Variants in RAB11A observed in about 807,000 individuals in gnomAD.
RAB11A encodes the protein RAB11A, member RAS oncogene family, also known as ras-related protein Rab-11A.
Under a neutral mutation model 28.0 loss-of-function variants are expected in RAB11A, and 9 were observed. The ratio of observed to expected loss-of-function variants is 0.32; its 90% CI spans 0.19 to 0.56. The LOEUF is 0.56. Among genes scored for constraint, RAB11A ranks in the 20% least tolerant of loss-of-function variants. The pLI is 0.91. For missense variants in RAB11A, 108 were observed against 269.6 expected (o/e 0.40, Z 4.20); for synonymous variants, 85 against 88.2 (o/e 0.96, Z 0.20).
rs12438510 is a variant in RAB11A, at chr15:65,877,726, G to A, written c.237-36G>A. 9,350 of 1,500,896 alleles carry A rather than the reference G, an allele frequency of 6.2e-3. 957 individuals carry two copies. In the Admixed American group the frequency reaches 0.17, roughly 28 times the overall value. The allele number at this position is 1,500,896 out of a possible 1,614,324, so 93.0% of individuals were successfully genotyped here. The stretch of plus-strand genomic sequence containing the variant: ...TCTTCCTGGTGTTTGCTTCCATCTT[G>A]TGGTTTTCTGATACTAAATATGTTT... On this transcript the variant is annotated intron_variant, in intron 2 of 4. Coordinates refer to ENST00000261890, the MANE Select transcript of RAB11A (RefSeq NM_004663.5). The surrounding 1 kb of genome is among the most constrained non-coding windows in gnomAD (Gnocchi z 4.1).
chr15:65,876,428 T>G (rs955973561), intron 1 of RAB11A, among the ~76,000 whole-genome samples: 3 of 152,026 alleles, frequency 2.0e-5, no homozygotes, highest in Non-Finnish European at 4.4e-5. Flanking sequence ...CCACAAGTAG[T>G]TGGGATTACA....
Position 65,877,595 on chromosome 15 carries a change from T to A in RAB11A, c.236+68T>A. 6.8e-7 allele frequency: 1 copy of A among 1,479,940 alleles called. No individual in the cohort carries two copies. The allele number at this position is 1,479,940 out of a possible 1,614,324, so 91.7% of individuals were successfully genotyped here. Reference sequence around the variant, plus strand: ...CGAGTGAATTAGCTGACTTTTGGTATTGGAAAAAGAACTGTTGTTTTTTTC... The same window carrying A: ...CGAGTGAATTAGCTGACTTTTGGTAATGGAAAAAGAACTGTTGTTTTTTTC... On this transcript the variant is annotated intron_variant, in intron 2 of 4. Coordinates refer to ENST00000261890, the MANE Select transcript of RAB11A (RefSeq NM_004663.5). The surrounding 1 kb of genome is among the most constrained non-coding windows in gnomAD (Gnocchi z 4.1).
intron 1 of RAB11A, among the ~76,000 whole-genome samples, chr15:65,872,829 A>C (rs2078171159): frequency 6.6e-6 from 1 of 152,196 alleles, no homozygotes; most frequent in Admixed American, 6.5e-5. Flanking sequence ...TTTCTTATTT[A>C]TACAAGTATC....
At chr15:65,869,700 C>T (rs2078146022) in intron 1 of RAB11A, 75 bp downstream of exon 1, 2 of 1,493,120 alleles carry the variant, frequency 1.3e-6, no homozygotes, top group Non-Finnish European at 9.2e-7. Flanking sequence ...ACCCTCGTGC[C>T]GGCCACCCCT....
intron 4 of RAB11A, among the ~76,000 whole-genome samples, chr15:65,886,008 A>G (rs1297931498): frequency 6.6e-6 from 1 of 152,222 alleles, no homozygotes; most frequent in African/African-American, 2.4e-5. Flanking sequence ...GTGTGGTTAC[A>G]TTCTTGATCT....
chr15:65,878,541 C>T (rs549442788), intron 3 of RAB11A, among the ~76,000 whole-genome samples: 8 of 152,072 alleles, frequency 5.3e-5, no homozygotes, highest in East Asian at 1.9e-4. Flanking sequence ...AAACCGGGCG[C>T]GGTGGCGGGC....
chr15:65,871,705 G>A (rs911033028), intron 1 of RAB11A, among the ~76,000 whole-genome samples: 1 of 152,042 alleles, frequency 6.6e-6, no homozygotes, highest in African/African-American at 2.4e-5. Context: ...TTGGAATCAC[G>A]TAGACCTCGG....
In RAB11A at chr15:65,891,318, G is replaced by A. The variant is rs1280408887; in HGVS notation, c.*3478G>A. The A allele has an allele frequency of 1.3e-5, 2 of 152,184 alleles. No individual in the cohort carries two copies. The highest frequency in any genetic ancestry group is 4.8e-5 in the African/African-American group (2 of 41,440). The allele number at this position is 152,184 out of a possible 1,614,324, so 9.4% of individuals were successfully genotyped here. ...TTAGGCTGAGAATCAATATGATTGA[G>A]GTTATCTATTCTCCTGAAAAGTGAA... On this transcript the variant is annotated 3_prime_UTR_variant, in exon 5 of 5. Coordinates refer to ENST00000261890, the MANE Select transcript of RAB11A (RefSeq NM_004663.5).
intron 1 of RAB11A, among the ~76,000 whole-genome samples, chr15:65,874,135 A>G (rs1362722108): frequency 1.3e-5 from 2 of 152,128 alleles, no homozygotes; most frequent in Non-Finnish European, 2.9e-5. Flanking sequence ...GATAATTAAT[A>G]TGTATATTCT....
Position 65,889,960 on chromosome 15 carries a change from G to T in RAB11A, c.*2120G>T, listed in dbSNP as rs2078279065. On this transcript the variant is annotated 3_prime_UTR_variant, in exon 5 of 5. Coordinates refer to ENST00000261890, the MANE Select transcript of RAB11A (RefSeq NM_004663.5). ...TTAGGAGACAAACTGTCTCAAGCAA[G>T]AAACAATAAATTTTTAAATATTATG... The T allele has an allele frequency of 6.6e-6, 1 of 151,960 alleles. No individual in the cohort carries two copies. Among genetic ancestry groups the T allele is most frequent in the Non-Finnish European group, 1.5e-5 (1 of 67,988 alleles). 9.4% of individuals were successfully genotyped at this position (151,960 alleles called of 1,614,324 possible).
rs1173690247 is a variant in RAB11A, at chr15:65,890,090, C to T, written c.*2250C>T. The T allele has an allele frequency of 6.8e-6, 1 of 146,390 alleles. No homozygotes were observed. Among genetic ancestry groups the T allele is most frequent in the African/African-American group, 2.5e-5 (1 of 39,356 alleles). 9.1% of individuals were successfully genotyped at this position (146,390 alleles called of 1,614,324 possible). A position where few individuals can be genotyped will look rare whatever the true frequency, so the allele number is the denominator to read the frequency against. The stretch of plus-strand genomic sequence containing the variant: ...TTTTTTTTTTTGAGACGGAGTCTTG[C>T]TCTGTTGCCCAGGCTGGAGTACAAT... On this transcript the variant is annotated 3_prime_UTR_variant, in exon 5 of 5. Coordinates refer to ENST00000261890, the MANE Select transcript of RAB11A (RefSeq NM_004663.5).
intron 1 of RAB11A, among the ~76,000 whole-genome samples, chr15:65,871,109 C>G (rs1340490657): frequency 2.6e-5 from 4 of 152,154 alleles, no homozygotes; most frequent in Admixed American, 6.5e-5. Flanking sequence ...GTGACTGTTT[C>G]TGTCTTTGCC....
chr15:65,879,175 A>G (rs1047533117), intron 3 of RAB11A, among the ~76,000 whole-genome samples: 9 of 151,934 alleles, frequency 5.9e-5, no homozygotes, highest in African/African-American at 1.9e-4. Context: ...AGTATTCTTT[A>G]TATAGAGAGA....
chr15:65,871,835 A>T (rs1335448240), intron 1 of RAB11A, among the ~76,000 whole-genome samples: 1 of 151,908 alleles, frequency 6.6e-6, no homozygotes, highest in Admixed American at 6.6e-5. Flanking sequence ...TGTGAGAATT[A>T]AATAATGAGA....
At position 65,889,062 on chromosome 15, in the gene RAB11A, C is replaced by T. The variant is rs1371373378; in HGVS notation, c.*1222C>T. On this transcript the variant is annotated 3_prime_UTR_variant, in exon 5 of 5. Transcript: ENST00000261890. ...AGTTTCTCATTCAGAAATGTGCACACTAATATTTAGTTTTGCTTTCTCGTG... is the reference window on the plus strand; with the variant it reads ...AGTTTCTCATTCAGAAATGTGCACATTAATATTTAGTTTTGCTTTCTCGTG... 6.6e-6 allele frequency: 1 copy of T among 152,630 alleles called. No homozygotes were observed. The highest frequency in any genetic ancestry group is 1.5e-5 in the Non-Finnish European group (1 of 68,048). The allele number at this position is 152,630 out of a possible 1,614,324, so 9.5% of individuals were successfully genotyped here. A position where few individuals can be genotyped will look rare whatever the true frequency, so the allele number is the denominator to read the frequency against.
chr15:65,875,260 C>A (rs1413421322), intron 1 of RAB11A, among the ~76,000 whole-genome samples: 1 of 151,782 alleles, frequency 6.6e-6, no homozygotes, highest in East Asian at 1.9e-4. Flanking sequence ...TGTATTTATT[C>A]ATGTATTTTT....
In RAB11A at chr15:65,877,300, T is replaced by C. The variant is rs1238564389; in HGVS notation, c.41-32T>C. On this transcript the variant is annotated intron_variant, in intron 1 of 4. Coordinates refer to ENST00000261890, the MANE Select transcript of RAB11A (RefSeq NM_004663.5). This position sits in a 1 kb window ranked among gnomAD's most constrained non-coding sequence, Gnocchi z 4.1. Reference sequence around the variant, plus strand: ...TGGTGTTCTGAATATGTTTGCCTCATTCATCTGACATTGAATTCTTTGTCT... The same window carrying C: ...TGGTGTTCTGAATATGTTTGCCTCACTCATCTGACATTGAATTCTTTGTCT... 3 of 1,555,326 alleles carry C rather than the reference T, an allele frequency of 1.9e-6. No homozygotes were observed. The highest frequency in any genetic ancestry group is 4.5e-5 in the East Asian group (2 of 43,968).
chr15:65,876,477 A>G (rs1419931098), intron 1 of RAB11A, among the ~76,000 whole-genome samples: 1 of 151,826 alleles, frequency 6.6e-6, no homozygotes, highest in Non-Finnish European at 1.5e-5. Flanking sequence ...TTGTATTTTT[A>G]TAGAGATGGG....
At chr15:65,879,808 T>G in intron 4 of RAB11A, 57 bp downstream of exon 4, 1 of 1,281,532 alleles carries the variant, frequency 7.8e-7, no homozygotes, top group African/African-American at 1.5e-5. Context: ...GGAAGGTAAT[T>G]TAAACAAACT....
Sources: allele counts gnomAD v4.1 joint callset (sites outside exome capture counted in the v4.1 genomes callset), GRCh38; gene constraint gnomAD v4.1.1; non-coding constraint Gnocchi (gnomAD v3.1); transcripts MANE v1.5; gene names NCBI Gene and HGNC (gene_info 2026-07-23, HGNC 2026-07-21).